The following COX15 variants were observed in gnomAD, a reference collection of about 807,000 sequenced individuals.
The protein encoded by COX15 is cytochrome c oxidase assembly factor COX15.
Under a neutral mutation model 51.9 loss-of-function variants are expected in COX15, and 51 were observed. That is an observed-to-expected ratio of 0.98 (90% CI 0.78 to 1.24). The LOEUF is 1.24. Among genes scored for constraint, COX15 ranks in the 50% most tolerant of loss-of-function variants. The pLI is 0.00. For missense variants in COX15, 420 were observed against 501.1 expected, an observed-to-expected ratio of 0.84 and a Z score of 1.55; for synonymous variants, 188 against 190.5, an observed-to-expected ratio of 0.99 and a Z score of 0.11.
At chr10:99,717,510 GCT>G (rs1221190709) in intron 7 of COX15, among the ~76,000 whole-genome samples, 2 of 151,850 alleles carry the variant, frequency 1.3e-5, no homozygotes, top group Admixed American at 1.3e-4. Flanking sequence ...TGCGCCCAGT[GCT>G]CTTATTTTTA....
chr10:99,724,182 CTTTT>C (rs952978276), intron 4 of COX15, 59 bp from the exon 5 acceptor site: 17 of 1,600,136 alleles, frequency 1.1e-5, no homozygotes, highest in Non-Finnish European at 9.4e-6. Flanking sequence ...GTTCAACTTT[CTTTT>C]TTTTGTTGTT....
At position 99,714,260 on chromosome 10, in the gene COX15, AATC is replaced by A; in HGVS notation, c.*324_*326del. On this transcript the variant is annotated 3_prime_UTR_variant, in exon 9 of 9. Transcript: ENST00000016171. ...GGACTCAGGAGAACATCCACGTAGA[AATC>A]ATCCACGTAGAACCAAGAGCTTGCC... is the stretch of plus-strand genomic sequence containing the variant. The A allele has an allele frequency of 8.5e-7, 1 of 1,174,450 alleles. No individual in the cohort carries two copies. The highest frequency in any genetic ancestry group is 1.8e-5 in the South Asian group (1 of 55,984). 72.8% of individuals were successfully genotyped at this position (1,174,450 alleles called of 1,614,324 possible).
At chr10:99,710,804 C>G (rs192215202), downstream of COX15, 193 of 985,352 alleles carry the variant, frequency 2.0e-4, no homozygotes, top group Middle Eastern at 3.1e-3. Context: ...CTAGTCATTA[C>G]CCCTGCTACA....
chr10:99,698,021 T>A, the COX15 span: 1 of 157,724 alleles, frequency 6.3e-6, no homozygotes, highest in Non-Finnish European at 1.4e-5. Context: ...TTCCTGGAGC[T>A]GGTGCTGTGC....
chr10:99,703,635 T>C, the COX15 span, among the ~76,000 whole-genome samples: 1 of 152,230 alleles, frequency 6.6e-6, no homozygotes, highest in Non-Finnish European at 1.5e-5. Flanking sequence ...TATCGCCTTA[T>C]TTTTATCTGA....
chr10:99,731,980 T>C lies in COX15; in HGVS notation c.70A>G (p.Arg24Gly). The stretch of plus-strand genomic sequence containing the variant: ...GGTACCTGTGCTCTAGGCGCTGCCC[T>C]AGGAGCCAGGAGCGGCAGATACTGC... ...GRQYLPLLAP[R>G]AAPRAQCDCI... The change falls in exon 1 of 9, where the codon AGG (arginine) becomes GGG (glycine). Residue 24 changes from arginine (R) to glycine (G), a missense_variant. Arg to Gly is a moderately radical substitution (Grantham distance 125). Coordinates refer to ENST00000016171, the MANE Select transcript of COX15 (RefSeq NM_078470.6). 6.2e-7 allele frequency: 1 copy of C among 1,612,160 alleles called. No homozygotes were observed. Among genetic ancestry groups the C allele is most frequent in the Non-Finnish European group, 8.5e-7 (1 of 1,179,422 alleles).
rs761365669 is a variant in COX15, at chr10:99,732,000, T to C, written c.50A>G (p.Tyr17Cys). The change falls in exon 1 of 9, where the codon TAT becomes TGT. Residue 17 changes from tyrosine to cysteine, a missense_variant. Physicochemically the swap from Tyr to Cys is radical, Grantham distance 194. Transcript: ENST00000016171. ...PPLRALKGRQYLPLLAPRAAP... is the reference protein window; with the variant it reads ...PPLRALKGRQCLPLLAPRAAP... The stretch of plus-strand genomic sequence containing the variant: ...TGCCCTAGGAGCCAGGAGCGGCAGA[T>C]ACTGCCTCCCCTTCAAGGCCCTCAA... The C allele has an allele frequency of 8.2e-5, 132 of 1,613,068 alleles. 2 individuals are homozygous for C. Among genetic ancestry groups the C allele is most frequent in the Non-Finnish European group, 9.2e-5 (109 of 1,179,754 alleles).
At chr10:99,722,964 A>C (rs1026622685) in intron 5 of COX15, 1 of 152,062 alleles carries the variant, frequency 6.6e-6, no homozygotes. Context: ...ATTTCAACCC[A>C]ATTTGGCTTC....
intron 6 of COX15, among the ~76,000 whole-genome samples, chr10:99,720,559 A>G (rs1003600937): frequency 6.6e-6 from 1 of 152,252 alleles, no homozygotes; most frequent in African/African-American, 2.4e-5. Context: ...TAATGTGATG[A>G]TAACAATGTT....
In COX15 at chr10:99,718,498, C is replaced by T. The variant is rs777482119; in HGVS notation, c.835G>A (p.Ala279Thr). Residue 279 changes from alanine (A) to threonine (T), a missense_variant and splice_region_variant, in exon 7 of 9, where the codon GCT (alanine) becomes ACT (threonine). By Grantham distance (58) the Ala-to-Thr change is moderately conservative. Coordinates refer to ENST00000016171, the MANE Select transcript of COX15 (RefSeq NM_078470.6). ...CCAGCATCTAGCCCTGCCACAAAAG[C>T]CCCTGTATTCCAAGGTAAATGGTAT... ...GLVFLTALSG[A>T]FVAGLDAGLV... 5 of 1,614,084 alleles carry T rather than the reference C, an allele frequency of 3.1e-6. No individual in the cohort carries two copies. Among genetic ancestry groups the T allele is most frequent in the Non-Finnish European group, 4.2e-6 (5 of 1,179,966 alleles).
rs898018133 is a variant in COX15, at chr10:99,712,340, G to A, written c.*2247C>T. 1.5e-5 allele frequency: 15 copies of A among 985,394 alleles called. No individual in the cohort carries two copies. The highest frequency in any genetic ancestry group is 5.2e-4 in the Middle Eastern group (1 of 1,914). The allele number at this position is 985,394 out of a possible 1,614,324, so 61.0% of individuals were successfully genotyped here. On this transcript the variant is annotated 3_prime_UTR_variant, in exon 9 of 9. Coordinates refer to ENST00000016171, the MANE Select transcript of COX15 (RefSeq NM_078470.6). ...TAGGTCATTTATGGCTCTCAGACACGTTAAGCCTGCATAACATTTTTTAAA... is the reference window on the plus strand; with the variant it reads ...TAGGTCATTTATGGCTCTCAGACACATTAAGCCTGCATAACATTTTTTAAA...
the COX15 span, among the ~76,000 whole-genome samples, chr10:99,696,603 A>G: frequency 5.3e-5 from 8 of 152,246 alleles, no homozygotes; most frequent in South Asian, 2.1e-4. Context: ...CATCAAATTC[A>G]TAATAGTCAG....
rs1307576923 is a variant in COX15 at position 99,712,312 on chromosome 10, C to T, written c.*2275G>A. On this transcript the variant is annotated 3_prime_UTR_variant, in exon 9 of 9. Transcript: ENST00000016171. ...ACCTAGTTCAGAGACTAACGGGAAA[C>T]GTTAGGTCATTTATGGCTCTCAGAC... 5 of 985,192 alleles carry T rather than the reference C, an allele frequency of 5.1e-6. No individual in the cohort carries two copies. Among genetic ancestry groups the T allele is most frequent in the Non-Finnish European group, 6.0e-6 (5 of 829,896 alleles). 61.0% of individuals were successfully genotyped at this position (985,192 alleles called of 1,614,324 possible). A position where few individuals can be genotyped will look rare whatever the true frequency, so the allele number is the denominator to read the frequency against.
chr10:99,696,015 T>C, the COX15 span: 3 of 1,614,208 alleles, frequency 1.9e-6, no homozygotes, highest in Non-Finnish European at 2.5e-6. Flanking sequence ...TGCAACACAC[T>C]GAACACGTGT....
the COX15 span, chr10:99,704,562 T>C: frequency 6.2e-7 from 1 of 1,614,192 alleles, no homozygotes; most frequent in Non-Finnish European, 8.5e-7. Flanking sequence ...CTACTGGCCA[T>C]CTTCCTATAC....
chr10:99,720,848 A>AGT, intron 6 of COX15, 139 bp downstream of exon 6: 2 of 598,056 alleles, frequency 3.3e-6, no homozygotes, highest in Non-Finnish European at 5.6e-6. Context: ...AACAGGAAAC[A>AGT]GGGTGAAGAT....
chr10:99,712,814 A>G lies in COX15; in HGVS notation c.*1773T>C. 1 of 330,678 alleles carries G rather than the reference A, an allele frequency of 3.0e-6. No homozygotes were observed. The highest frequency in any genetic ancestry group is 1.1e-4 in the South Asian group (1 of 8,734). The allele number at this position is 330,678 out of a possible 1,614,324, so 20.5% of individuals were successfully genotyped here. A position where few individuals can be genotyped will look rare whatever the true frequency, so the allele number is the denominator to read the frequency against. ...CCCTACTCTTGCCTTCTACAGAACT[A>G]AAACTAACTTCCTGCAACTTTCATC... On this transcript the variant is annotated 3_prime_UTR_variant, in exon 9 of 9. Transcript: ENST00000016171.
At chr10:99,700,402 GTGTGTGTGTGTA>G in the COX15 span, among the ~76,000 whole-genome samples, 1,180 of 8,388 alleles carry the variant, frequency 0.14, 11 homozygotes, top group Middle Eastern at 0.28. Flanking sequence ...CCGTGTGTGT[GTGTGTGTGTGTA>G]TGTGTGTGTG....
At position 99,724,124 on chromosome 10, in the gene COX15, C is replaced by T; in HGVS notation, c.583-1G>A. On this transcript the variant is annotated splice_acceptor_variant, in intron 4 of 8. Transcript: ENST00000016171. LOFTEE classifies it high-confidence loss of function. ...TCACCATATACCATCCCAACAGACC[C>T]TAGAACCCCCAAGAGATGAAGCAAA... 2 of 1,614,024 alleles carry T rather than the reference C, an allele frequency of 1.2e-6. No individual in the cohort carries two copies. The highest frequency in any genetic ancestry group is 1.7e-6 in the Non-Finnish European group (2 of 1,179,976).
Sources: allele counts gnomAD v4.1 joint callset (sites outside exome capture counted in the v4.1 genomes callset), GRCh38; gene constraint gnomAD v4.1.1; transcripts MANE v1.5; gene names NCBI Gene and HGNC (gene_info 2026-07-23, HGNC 2026-07-21).